Variants in ENTREP2 observed in about 807,000 individuals in gnomAD.
The protein encoded by ENTREP2 is endosomal transmembrane epsin interactor 2.
chr15:29,304,380 A>G, the ENTREP2 span, among the ~76,000 whole-genome samples: 1 of 152,214 alleles, frequency 6.6e-6, no homozygotes, highest in Non-Finnish European at 1.5e-5. Context: ...AAAACTGACC[A>G]CACAATCAGC....
At chr15:29,562,669 A>G in the ENTREP2 span, among the ~76,000 whole-genome samples, 2 of 152,220 alleles carry the variant, frequency 1.3e-5, no homozygotes, top group Non-Finnish European at 2.9e-5. Flanking sequence ...GAATTTGGCT[A>G]TGAGCATTCC....
the ENTREP2 span, among the ~76,000 whole-genome samples, chr15:29,197,269 C>T: frequency 1.3e-5 from 2 of 152,094 alleles, no homozygotes; most frequent in Admixed American, 6.5e-5. Flanking sequence ...TTACCAGTGC[C>T]TAGGAGAAAA....
At chr15:29,371,028 GTCATCATCA>G in the ENTREP2 span, among the ~76,000 whole-genome samples, 1 of 151,612 alleles carries the variant, frequency 6.6e-6, no homozygotes, top group African/African-American at 2.4e-5. Context: ...TACTGTCGTT[GTCATCATCA>G]TCATCATCAT....
chr15:29,178,184 C>T, the ENTREP2 span, among the ~76,000 whole-genome samples: 3 of 151,210 alleles, frequency 2.0e-5, no homozygotes, highest in African/African-American at 7.3e-5. Flanking sequence ...GTCCCAGCTA[C>T]TCCAGAGACT....
At chr15:29,526,046 T>C in the ENTREP2 span, among the ~76,000 whole-genome samples, 185 of 152,310 alleles carry the variant, frequency 1.2e-3, no homozygotes, top group Non-Finnish European at 2.2e-3. Context: ...ATGTTTCCAA[T>C]GGGTAGATTT....
chr15:29,613,282 T>C, the ENTREP2 span: 1 of 183,096 alleles, frequency 5.5e-6, no homozygotes, highest in East Asian at 1.7e-4. Context: ...GTGAGCACTT[T>C]TGCTTAGATC....
the ENTREP2 span, among the ~76,000 whole-genome samples, chr15:29,585,638 C>T: frequency 3.3e-3 from 500 of 152,194 alleles, 4 homozygotes; most frequent in African/African-American, 0.011. Context: ...CGGCAGATCA[C>T]GAGGTCAGGA....
chr15:29,183,573 C>A, the ENTREP2 span, among the ~76,000 whole-genome samples: 1 of 152,204 alleles, frequency 6.6e-6, no homozygotes, highest in South Asian at 2.1e-4. Flanking sequence ...GTGGAATACT[C>A]GCTCAATGCA....
the ENTREP2 span, among the ~76,000 whole-genome samples, chr15:29,404,989 G>A: frequency 3.9e-5 from 6 of 152,048 alleles, no homozygotes; most frequent in Non-Finnish European, 8.8e-5. Context: ...CTGGTACCTG[G>A]CTGCCACCTG....
At chr15:29,299,626 C>G in the ENTREP2 span, among the ~76,000 whole-genome samples, 3 of 152,266 alleles carry the variant, frequency 2.0e-5, no homozygotes, top group South Asian at 6.2e-4. Flanking sequence ...TCAAAATCCC[C>G]ATCCTGTGCC....
the ENTREP2 span, among the ~76,000 whole-genome samples, chr15:29,360,224 G>T: frequency 6.6e-6 from 1 of 151,934 alleles, no homozygotes; most frequent in Admixed American, 6.6e-5. Context: ...TCTTTATAAC[G>T]GTAATTGCCT....
chr15:29,612,158 C>G, the ENTREP2 span, among the ~76,000 whole-genome samples: 1 of 152,206 alleles, frequency 6.6e-6, no homozygotes, highest in African/African-American at 2.4e-5. Flanking sequence ...TCCTTGCCTT[C>G]TGACATTTTT....
chr15:29,492,601 TG>T, the ENTREP2 span, among the ~76,000 whole-genome samples: 1 of 152,206 alleles, frequency 6.6e-6, no homozygotes, highest in Non-Finnish European at 1.5e-5. Context: ...GACCTTCAAG[TG>T]TTAAACATAT....
chr15:29,644,109 GAATA>G, the ENTREP2 span, among the ~76,000 whole-genome samples: 4 of 152,182 alleles, frequency 2.6e-5, no homozygotes, highest in Non-Finnish European at 5.9e-5. Flanking sequence ...TTGTCAAGAA[GAATA>G]AATGAACTGA....
chr15:29,123,303 C>G, the ENTREP2 span: 1 of 1,469,848 alleles, frequency 6.8e-7, no homozygotes, highest in Non-Finnish European at 9.1e-7. Context: ...TCTGTGGCGC[C>G]AGGCGTTGGT....
the ENTREP2 span, among the ~76,000 whole-genome samples, chr15:29,528,379 C>T: frequency 6.6e-6 from 1 of 151,772 alleles, no homozygotes; most frequent in East Asian, 1.9e-4. Context: ...AGAGAAGCTG[C>T]ATGTCCTTCC....
the ENTREP2 span, among the ~76,000 whole-genome samples, chr15:29,377,962 G>A: frequency 2.6e-5 from 4 of 151,456 alleles, no homozygotes; most frequent in Non-Finnish European, 5.9e-5. Context: ...ATGGGTAGGC[G>A]GTGGTGTCAT....
chr15:29,422,733 G>C, the ENTREP2 span, among the ~76,000 whole-genome samples: 1 of 152,180 alleles, frequency 6.6e-6, no homozygotes, highest in African/African-American at 2.4e-5. Flanking sequence ...GTGGAGTGAA[G>C]GTGACAAGGA....
At chr15:29,263,960 C>G in the ENTREP2 span, among the ~76,000 whole-genome samples, 1 of 151,996 alleles carries the variant, frequency 6.6e-6, no homozygotes, top group East Asian at 1.9e-4. Context: ...TGAGACCATC[C>G]TGGCTAACAC....
Sources: allele counts gnomAD v4.1 joint callset (sites outside exome capture counted in the v4.1 genomes callset), GRCh38; gene constraint gnomAD v4.1.1; transcripts MANE v1.5; gene names NCBI Gene and HGNC (gene_info 2026-07-23, HGNC 2026-07-21).